The following ESR1 variants were observed in gnomAD, a reference collection of about 807,000 sequenced individuals.
ESR1 encodes estrogen receptor.
ESR1 carries 12 observed loss-of-function variants against 52.7 expected under a neutral mutation model. The ratio of observed to expected loss-of-function variants is 0.23; its 90% CI spans 0.15 to 0.37. The LOEUF (loss-of-function observed/expected upper bound fraction) is 0.37. Among genes scored for constraint, ESR1 ranks in the 10% least tolerant of loss-of-function variants. The pLI is 1.00. For synonymous variants in ESR1, 305 were observed against 316.8 expected, an observed-to-expected ratio of 0.96 and a Z score of 0.39; for missense variants, 584 against 779.7, an observed-to-expected ratio of 0.75 and a Z score of 2.99.
intron 1 of ESR1, among the ~76,000 whole-genome samples, chr6:151,819,279 G>C (rs1218639677): frequency 6.6e-6 from 1 of 152,144 alleles, no homozygotes; most frequent in Non-Finnish European, 1.5e-5. Context: ...GTTGTAAATA[G>C]AGTTGTCTTC....
exon 7 of ESR1, chr6:152,126,879 C>T (rs936239564): frequency 3.9e-5 from 6 of 152,184 alleles, no homozygotes; most frequent in African/African-American, 9.7e-5. Context: ...GAGTTAATTT[C>T]GTGCATGCAT....
At chr6:152,048,123 C>G (rs191567251) in intron 5 of ESR1, among the ~76,000 whole-genome samples, 25 of 152,066 alleles carry the variant, frequency 1.6e-4, no homozygotes, top group African/African-American at 6.0e-4. Context: ...GTAATCCCAG[C>G]ACTTTCGGAC....
At chr6:151,716,154 A>G (rs1781015219) in intron 2 of ESR1, among the ~76,000 whole-genome samples, 1 of 151,984 alleles carries the variant, frequency 6.6e-6, no homozygotes, top group Admixed American at 6.6e-5. Context: ...TTGTCTGGGT[A>G]TGGAGGCTGC....
intron 1 of ESR1, among the ~76,000 whole-genome samples, chr6:151,694,659 G>C (rs1779194309): frequency 6.6e-6 from 1 of 151,940 alleles, no homozygotes; most frequent in African/African-American, 2.4e-5. Flanking sequence ...TGGTGGCATG[G>C]GCCTGTAATC....
chr6:151,815,651 G>C (rs1036861836), intron 1 of ESR1, among the ~76,000 whole-genome samples: 1 of 152,232 alleles, frequency 6.6e-6, no homozygotes, highest in Non-Finnish European at 1.5e-5. Context: ...TCCAAGTACA[G>C]TCGGCCCTCA....
intron 5 of ESR1, among the ~76,000 whole-genome samples, chr6:152,044,964 G>A (rs928804703): frequency 2.0e-5 from 3 of 152,220 alleles, no homozygotes; most frequent in Non-Finnish European, 4.4e-5. Context: ...GGAAAAACAT[G>A]ACTCATTGCT....
chr6:151,828,016 C>T (rs1194561661), intron 1 of ESR1, among the ~76,000 whole-genome samples: 1 of 152,142 alleles, frequency 6.6e-6, no homozygotes, highest in Non-Finnish European at 1.5e-5. Context: ...TATTATGTAA[C>T]TTGGTCCCAA....
At chr6:151,789,640 G>T (rs1039852811) in intron 2 of ESR1, among the ~76,000 whole-genome samples, 1 of 152,150 alleles carries the variant, frequency 6.6e-6, no homozygotes, top group South Asian at 2.1e-4. Context: ...TGGAGGAAAC[G>T]TAAAACAAAT....
intron 5 of ESR1, among the ~76,000 whole-genome samples, chr6:152,050,736 C>T (rs898202326): frequency 2.0e-5 from 3 of 152,176 alleles, no homozygotes; most frequent in African/African-American, 4.8e-5. Context: ...TTCTTGTAAC[C>T]TTCAGATCAT....
At chr6:151,686,681 C>T (rs851988), upstream of ESR1, among the ~76,000 whole-genome samples, 34,580 of 147,508 alleles carry the variant, frequency 0.23, 4,081 homozygotes, top group East Asian at 0.41. Flanking sequence ...GAGCAAGACT[C>T]CATCTCAAAA....
At chr6:152,122,665 C>T in intron 6 of ESR1, 1 of 1,613,900 alleles carries the variant, frequency 6.2e-7, no homozygotes, top group Non-Finnish European at 8.5e-7. Context: ...ATCGGAGCCA[C>T]CTTTTGTGGA....
chr6:151,983,646 C>G (rs948053340), intron 4 of ESR1: 3 of 152,114 alleles, frequency 2.0e-5, no homozygotes, highest in Non-Finnish European at 2.9e-5. Context: ...CTATGATTGG[C>G]CAAGACAACA....
intron 5 of ESR1, among the ~76,000 whole-genome samples, chr6:152,054,229 T>A (rs1435471001): frequency 3.9e-5 from 6 of 152,194 alleles, no homozygotes; most frequent in Non-Finnish European, 8.8e-5. Context: ...CCCTTAAAGA[T>A]GAAATTCAGA....
At position 152,102,620 on chromosome 6, in the gene ESR1, T is replaced by G; in HGVS notation, c.*3654T>G. On this transcript the variant is annotated 3_prime_UTR_variant, in exon 8 of 8. Coordinates refer to ENST00000206249, the MANE Select transcript of ESR1 (RefSeq NM_000125.4). ...TCCATCTTTTCAGTAGCGTTAATTA[T>G]GCTCTGTTTCCAACTGCATTTCCTT... The G allele has an allele frequency of 4.5e-6, 1 of 221,066 alleles. No homozygotes were observed. The highest frequency in any genetic ancestry group is 9.1e-6 in the Non-Finnish European group (1 of 110,266). 13.7% of individuals were successfully genotyped at this position (221,066 alleles called of 1,614,324 possible).
At chr6:152,008,069 T>C (rs2128763924) in intron 4 of ESR1, among the ~76,000 whole-genome samples, 1 of 152,254 alleles carries the variant, frequency 6.6e-6, no homozygotes, top group African/African-American at 2.4e-5. Flanking sequence ...CCATTGGCTA[T>C]GAACTGAAGG....
chr6:151,695,441 C>G (rs1437341753), intron 1 of ESR1, among the ~76,000 whole-genome samples: 3 of 152,196 alleles, frequency 2.0e-5, no homozygotes, highest in Non-Finnish European at 4.4e-5. Flanking sequence ...AGGTTCCTGA[C>G]TTTTGCTGGA....
chr6:151,778,160 G>A (rs920978056), intron 2 of ESR1, among the ~76,000 whole-genome samples: 5 of 152,066 alleles, frequency 3.3e-5, no homozygotes, highest in African/African-American at 7.2e-5. Context: ...GAAGAGAAAT[G>A]TTGTATGATT....
intron 2 of ESR1, among the ~76,000 whole-genome samples, chr6:151,843,664 C>A (rs1267840181): frequency 6.6e-6 from 1 of 151,978 alleles, no homozygotes; most frequent in Non-Finnish European, 1.5e-5. Context: ...TATTCTTTAC[C>A]TTTTCAGCTT....
chr6:151,834,636 C>T (rs1310496612), intron 1 of ESR1, among the ~76,000 whole-genome samples: 2 of 151,610 alleles, frequency 1.3e-5, no homozygotes, highest in East Asian at 3.9e-4. Flanking sequence ...CACCATGGCA[C>T]GTGTATACCT....
Sources: allele counts gnomAD v4.1 joint callset (sites outside exome capture counted in the v4.1 genomes callset), GRCh38; gene constraint gnomAD v4.1.1; transcripts MANE v1.5; gene names NCBI Gene and HGNC (gene_info 2026-07-23, HGNC 2026-07-21).